Variants in SPATA13 observed in about 807,000 individuals in gnomAD.
SPATA13 encodes the protein spermatogenesis associated 13.
SPATA13 carries 50 observed loss-of-function variants against 104.0 expected under a neutral mutation model. The ratio of observed to expected loss-of-function variants is 0.48; its 90% CI spans 0.38 to 0.61. The LOEUF is 0.61. SPATA13 is among the 20% of genes least tolerant of loss of function. The pLI, the probability that SPATA13 is intolerant of heterozygous loss-of-function variation, is 0.00. For missense variants in SPATA13, 1,524 were observed against 1,690.6 expected (o/e 0.90, Z 1.73); for synonymous variants, 606 against 667.5 (o/e 0.91, Z 1.42).
At chr13:24,072,825 C>CTTTTTTTTTTTTTTT (rs11353469) in intron 3 of SPATA13, among the ~76,000 whole-genome samples, 2 of 120,652 alleles carry the variant, frequency 1.7e-5, no homozygotes, top group African/African-American at 3.1e-5. Flanking sequence ...CTGTTGGCTC[C>CTTTTTTTTTTTTTTT]TTTTTTTTTT....
Position 24,042,024 on chromosome 13 carries a change from T to C in SPATA13, c.-112+24323T>C, listed in dbSNP as rs576852053. ...CAGGGAATTCCTTGCTCTTGGTTTG[T>C]GTGGGGCACAGAGGCAGCCACGTGT... On this transcript the variant is annotated intron_variant, in intron 3 of 14. Transcript: ENST00000424834. 6.6e-5 allele frequency among the ~76,000 whole-genome samples: 10 copies of C among 152,348 alleles called. No individual in the cohort carries two copies. The East Asian group carries it at 1.5e-3, about 24-fold the overall frequency.
intron 1 of SPATA13, among the ~76,000 whole-genome samples, chr13:24,199,577 G>A (rs1202234228): frequency 6.6e-6 from 1 of 152,126 alleles, no homozygotes; most frequent in Non-Finnish European, 1.5e-5. Flanking sequence ...GTTTGTCTGT[G>A]TTTCTTTTAA....
intron 1 of SPATA13, among the ~76,000 whole-genome samples, chr13:24,167,460 A>C (rs1209005129): frequency 6.6e-6 from 1 of 152,220 alleles, no homozygotes; most frequent in Non-Finnish European, 1.5e-5. Context: ...CCAACAGAGA[A>C]CACGGGGCCC....
At chr13:24,113,620 C>T (rs1880720840) in intron 3 of SPATA13, among the ~76,000 whole-genome samples, 2 of 151,368 alleles carry the variant, frequency 1.3e-5, no homozygotes, top group South Asian at 2.1e-4. Flanking sequence ...GCCTGTAATC[C>T]CAGCACTTTG....
intron 4 of SPATA13, among the ~76,000 whole-genome samples, chr13:24,276,285 A>G (rs1223957139): frequency 3.3e-5 from 5 of 152,246 alleles, no homozygotes; most frequent in East Asian, 1.9e-4. Context: ...TTAAAAATCA[A>G]TGGAAGTGCT....
intron 2 of SPATA13, among the ~76,000 whole-genome samples, chr13:23,995,749 G>A (rs1022270026): frequency 3.9e-5 from 6 of 152,212 alleles, no homozygotes; most frequent in Non-Finnish European, 7.3e-5. Context: ...ATTTGCAAAT[G>A]AGAGCAAAAG....
rs1882490488 is a variant in SPATA13 at position 24,161,503 on chromosome 13, G to A, written c.-112+571G>A. 6.6e-6 allele frequency among the ~76,000 whole-genome samples: 1 copy of A among 152,192 alleles called. No individual in the cohort carries two copies. Among genetic ancestry groups the A allele is most frequent in the African/African-American group, 2.4e-5 (1 of 41,462 alleles). On this transcript the variant is annotated intron_variant, in intron 1 of 12. Transcript: ENST00000382108. The surrounding 1 kb of genome is among the most constrained non-coding windows in gnomAD (Gnocchi z 4.5). ...GGTGCCCATCGTCTGTGGACTGCAGGGAATGCATTGGCGGAGTTGGTTTGG... is the reference window on the plus strand; with the variant it reads ...GGTGCCCATCGTCTGTGGACTGCAGAGAATGCATTGGCGGAGTTGGTTTGG...
intron 2 of SPATA13, among the ~76,000 whole-genome samples, chr13:24,000,739 C>A (rs531919296): frequency 6.6e-6 from 1 of 151,690 alleles, no homozygotes; most frequent in Non-Finnish European, 1.5e-5. Flanking sequence ...AGCTCTGGGT[C>A]AGAGGCATGA....
At chr13:24,300,556 CTGTGACCAGCT>C (rs1566204478) in intron 12 of SPATA13, 81 bp downstream of exon 12, 1 of 1,276,680 alleles carries the variant, frequency 7.8e-7, no homozygotes, top group Non-Finnish European at 1.1e-6. Flanking sequence ...AGTTGTCAGC[CTGTGACCAGCT>C]TGGAGCAAGG....
chr13:24,142,214 C>T (rs948092042), intron 3 of SPATA13, among the ~76,000 whole-genome samples: 4 of 151,592 alleles, frequency 2.6e-5, no homozygotes, highest in Admixed American at 6.6e-5. Flanking sequence ...CTGACATAAC[C>T]ACAGTGCACT....
chr13:24,194,792 A>T (rs1391283046), intron 1 of SPATA13, among the ~76,000 whole-genome samples: 1 of 152,222 alleles, frequency 6.6e-6, no homozygotes, highest in Non-Finnish European at 1.5e-5. Flanking sequence ...TTAATCAATG[A>T]TTTAATCTCT....
At chr13:24,249,437 C>G in intron 2 of SPATA13, 40 bp from the exon 3 acceptor site, 1 of 1,473,290 alleles carries the variant, frequency 6.8e-7, no homozygotes, top group South Asian at 1.4e-5. Flanking sequence ...TTAATACCTT[C>G]CTGGATATTG....
Position 24,209,367 on chromosome 13 carries a change from T to G in SPATA13, c.-111-13452T>G, listed in dbSNP as rs76610780. Among the ~76,000 whole-genome samples the G allele has an allele frequency of 6.3e-3, 966 of 152,354 alleles. 8 individuals carry two copies. Among genetic ancestry groups the G allele is most frequent in the African/African-American group, 0.021 (889 of 41,574 alleles). On this transcript the variant is annotated intron_variant, in intron 1 of 12. Transcript: ENST00000382108. Reference sequence around the variant, plus strand: ...TTTTGTTGAAACTAGATTGCTGCACTTAAAAGTATGGGGTAAGGGAATTAA... The same window carrying G: ...TTTTGTTGAAACTAGATTGCTGCACGTAAAAGTATGGGGTAAGGGAATTAA...
chr13:24,240,099 G>A (rs1872760061), intron 2 of SPATA13, among the ~76,000 whole-genome samples: 1 of 151,822 alleles, frequency 6.6e-6, no homozygotes, highest in East Asian at 1.9e-4. Context: ...GAGCTCAGGA[G>A]CTCAAGACCA....
At chr13:24,201,716 GGT>G (rs1403589105) in intron 1 of SPATA13, among the ~76,000 whole-genome samples, 3 of 152,158 alleles carry the variant, frequency 2.0e-5, no homozygotes, top group Admixed American at 2.0e-4. Context: ...TGAGATGACA[GGT>G]GTGAGCCACC....
chr13:24,125,996 TGG>T lies in SPATA13; in HGVS notation c.-111-96822_-111-96821del, dbSNP rs374141507. 9.9e-5 allele frequency among the ~76,000 whole-genome samples: 15 copies of T among 152,282 alleles called. No homozygotes were observed. The South Asian group carries it at 1.4e-3, about 15-fold the overall frequency. ...GGCTCTGCTCCTGGCTTGGGCCCTGTGGTTCTTGGGGAGGTACGAATAGAGCA... is the reference window on the plus strand; with the variant it reads ...GGCTCTGCTCCTGGCTTGGGCCCTGTTTCTTGGGGAGGTACGAATAGAGCA... On this transcript the variant is annotated intron_variant, in intron 3 of 14. Transcript: ENST00000424834.
At chr13:24,111,544 A>G (rs1880639426) in intron 3 of SPATA13, among the ~76,000 whole-genome samples, 1 of 151,912 alleles carries the variant, frequency 6.6e-6, no homozygotes, top group African/African-American at 2.4e-5. Context: ...AGTAGTTGGG[A>G]CCACAGGTAC....
intron 7 of SPATA13, among the ~76,000 whole-genome samples, chr13:24,287,840 G>A (rs1311774895): frequency 2.0e-5 from 3 of 152,202 alleles, no homozygotes; most frequent in Non-Finnish European, 4.4e-5. Flanking sequence ...TTGTGTACGA[G>A]CATCACACTA....
Position 24,011,266 on chromosome 13 carries a change from G to A in SPATA13, c.-146-6401G>A, listed in dbSNP as rs761159248. ...TCCCAGGGGAGTGGGCATCCACCCT[G>A]AGCACCTGGTTCTAGGAATTTCCCT... On this transcript the variant is annotated intron_variant, in intron 2 of 14. Transcript: ENST00000424834. This position sits in a 1 kb window ranked among gnomAD's most constrained non-coding sequence, Gnocchi z 4.3. Among the ~76,000 whole-genome samples the A allele has an allele frequency of 2.0e-5, 3 of 152,184 alleles. No individual in the cohort carries two copies. Among genetic ancestry groups the A allele is most frequent in the Non-Finnish European group, 4.4e-5 (3 of 68,032 alleles).
Sources: gnomAD v4.1 joint callset for allele counts (sites outside exome capture counted in the v4.1 genomes callset) on GRCh38, gnomAD v4.1.1 for gene constraint, Gnocchi (gnomAD v3.1) non-coding constraint, MANE v1.5 for transcripts, NCBI Gene and HGNC (gene_info 2026-07-23, HGNC 2026-07-21) for gene names.